Variants in BTBD9 observed in about 807,000 individuals in gnomAD.
BTBD9 encodes the protein BTB/POZ domain-containing protein 9.
BTBD9 carries 49 observed loss-of-function variants against 64.3 expected under a neutral mutation model. The ratio of observed to expected loss-of-function variants is 0.76; its 90% confidence interval spans 0.61 to 0.97. BTBD9 has a LOEUF of 0.97. Among genes scored for constraint, BTBD9 ranks in the 50% least tolerant of loss-of-function variants. BTBD9 has a pLI of 0.00. For missense variants in BTBD9, 598 were observed against 762.1 expected (o/e 0.78, Z 2.53); for synonymous variants, 260 against 274.7 (o/e 0.95, Z 0.53).
At chr6:38,547,519 A>C (rs1157135528) in intron 6 of BTBD9, among the ~76,000 whole-genome samples, 1 of 152,162 alleles carries the variant, frequency 6.6e-6, no homozygotes, top group Non-Finnish European at 1.5e-5. Context: ...AAAATCCACA[A>C]CAATTTCACC....
chr6:38,194,248 A>T (rs1762198873), intron 9 of BTBD9, among the ~76,000 whole-genome samples: 1 of 152,060 alleles, frequency 6.6e-6, no homozygotes, highest in African/African-American at 2.4e-5. Context: ...TCCTTCCTCC[A>T]GCAGGTGAGG....
At chr6:38,565,711 G>A (rs530715924) in intron 6 of BTBD9, among the ~76,000 whole-genome samples, 2 of 152,304 alleles carry the variant, frequency 1.3e-5, no homozygotes, top group African/African-American at 2.4e-5. Context: ...CATTCATGGA[G>A]AGGAATAAAC....
chr6:38,548,755 C>T (rs1774669158), intron 6 of BTBD9, among the ~76,000 whole-genome samples: 1 of 152,104 alleles, frequency 6.6e-6, no homozygotes, highest in Admixed American at 6.6e-5. Context: ...TATGTTTAGG[C>T]CAAGAGCACA....
At chr6:38,507,837 T>C (rs1376062204) in intron 6 of BTBD9, among the ~76,000 whole-genome samples, 3 of 149,450 alleles carry the variant, frequency 2.0e-5, no homozygotes, top group African/African-American at 7.4e-5. Context: ...AATTTTTTTT[T>C]TTTTTTTTTT....
chr6:38,495,065 G>T (rs760963403), intron 6 of BTBD9, among the ~76,000 whole-genome samples: 19 of 152,132 alleles, frequency 1.2e-4, no homozygotes, highest in Non-Finnish European at 2.5e-4. Flanking sequence ...CCAAAGAATA[G>T]AAAAGTTTAA....
chr6:38,488,649 G>A (rs1040603132), intron 6 of BTBD9, among the ~76,000 whole-genome samples: 1 of 152,106 alleles, frequency 6.6e-6, no homozygotes, highest in African/African-American at 2.4e-5. Flanking sequence ...AACGTCAGAC[G>A]AAAACCAGCA....
chr6:38,605,536 A>C (rs1215189415), intron 1 of BTBD9, among the ~76,000 whole-genome samples: 1 of 152,228 alleles, frequency 6.6e-6, no homozygotes, highest in Non-Finnish European at 1.5e-5. Flanking sequence ...GTGCTTGCTT[A>C]AGTGAATTTT....
At chr6:38,613,546 G>A (rs1368807848) in intron 1 of BTBD9, among the ~76,000 whole-genome samples, 3 of 152,000 alleles carry the variant, frequency 2.0e-5, no homozygotes, top group African/African-American at 4.8e-5. Context: ...GGTGGAGGCC[G>A]CAGTGAGCCA....
chr6:38,262,873 A>G (rs1461557433), intron 8 of BTBD9, among the ~76,000 whole-genome samples: 5 of 152,222 alleles, frequency 3.3e-5, no homozygotes, highest in African/African-American at 1.2e-4. Flanking sequence ...ACAATGGCTG[A>G]AGTATAACAG....
chr6:38,524,345 C>T (rs6911956), intron 6 of BTBD9, among the ~76,000 whole-genome samples: 152,070 of 152,244 alleles, frequency 1, 75,948 homozygotes, highest in Non-Finnish European at 1. Context: ...AAATGTAAGA[C>T]ATACTGAAAA....
chr6:38,394,216 A>G (rs1268325190), intron 6 of BTBD9, among the ~76,000 whole-genome samples: 4 of 152,192 alleles, frequency 2.6e-5, no homozygotes, highest in African/African-American at 9.7e-5. Flanking sequence ...ACAGGCAACT[A>G]TAATAAAATG....
intron 6 of BTBD9, among the ~76,000 whole-genome samples, chr6:38,512,171 C>T (rs1481538310): frequency 6.6e-6 from 1 of 152,132 alleles, no homozygotes; most frequent in Admixed American, 6.5e-5. Flanking sequence ...TGGGGTTTCT[C>T]CATGTTGGTC....
chr6:38,603,348 A>T (rs866257930), intron 1 of BTBD9, among the ~76,000 whole-genome samples: 1 of 152,206 alleles, frequency 6.6e-6, no homozygotes, highest in South Asian at 2.1e-4. Context: ...ATCAAAAATG[A>T]CTAAAGCAGC....
intron 6 of BTBD9, among the ~76,000 whole-genome samples, chr6:38,538,326 G>A (rs1774115745): frequency 6.6e-6 from 1 of 152,074 alleles, no homozygotes; most frequent in African/African-American, 2.4e-5. Context: ...GAAATTAAGG[G>A]GTTTCTGAGG....
rs1454399908 is a variant in BTBD9, at chr6:38,171,568, G to C, written c.*3417C>G. 3.1e-4 allele frequency: 6 copies of C among 19,368 alleles called. No homozygotes were observed. The highest frequency in any genetic ancestry group is 8.3e-4 in the African/African-American group (6 of 7,264). The allele number at this position is 19,368 out of a possible 1,614,324, so 1.2% of individuals were successfully genotyped here. On this transcript the variant is annotated 3_prime_UTR_variant, in exon 11 of 11. Transcript: ENST00000481247. ...AATGGTAAAACGGGTGTGTGTGTGT[G>C]TGTGTGTGTGTGTGTGTGTGTGTGT...
At chr6:38,462,633 G>A (rs6901086) in intron 6 of BTBD9, among the ~76,000 whole-genome samples, 79,976 of 151,922 alleles carry the variant, frequency 0.53, 21,945 homozygotes, top group East Asian at 0.96. Context: ...GCATTTCTAC[G>A]TGAATTTGAA....
chr6:38,403,450 C>A (rs547589404), intron 6 of BTBD9, among the ~76,000 whole-genome samples: 58 of 152,262 alleles, frequency 3.8e-4, no homozygotes, highest in African/African-American at 1.3e-3. Context: ...CCAAATAAAA[C>A]CCTGTAAATC....
intron 6 of BTBD9, among the ~76,000 whole-genome samples, chr6:38,513,747 TAG>T (rs1562283203): frequency 1.3e-5 from 2 of 152,190 alleles, no homozygotes; most frequent in Admixed American, 1.3e-4. Context: ...ATGCCATGAC[TAG>T]ACATATTCAA....
Position 38,447,468 on chromosome 6 carries a change from C to A in BTBD9, c.1155-102375G>T, listed in dbSNP as rs574096300. Among the ~76,000 whole-genome samples the A allele has an allele frequency of 3.3e-5, 5 of 152,228 alleles. No homozygotes were observed. In the East Asian group the frequency reaches 9.6e-4, roughly 29 times the overall value. On this transcript the variant is annotated intron_variant, in intron 6 of 10. Coordinates refer to ENST00000481247, the MANE Select transcript of BTBD9 (RefSeq NM_001099272.2). ...AAACTGTGACTGAGTTCATGTAAAGCGCACTGACATCCTTATTCTAGAAGA... is the reference window on the plus strand; with the variant it reads ...AAACTGTGACTGAGTTCATGTAAAGAGCACTGACATCCTTATTCTAGAAGA...
Sources: allele counts gnomAD v4.1 joint callset (sites outside exome capture counted in the v4.1 genomes callset), GRCh38; gene constraint gnomAD v4.1.1; transcripts MANE v1.5; gene names NCBI Gene and HGNC (gene_info 2026-07-23, HGNC 2026-07-21).